The following ADAM20 variants were observed in gnomAD, a reference collection of about 807,000 sequenced individuals.
ADAM20 encodes the protein disintegrin and metalloproteinase domain-containing protein 20.
For missense variants in ADAM20, 871 were observed against 883.2 expected (o/e 0.99, Z 0.18); for synonymous variants, 305 against 310.2 (o/e 0.98, Z 0.18).
At chr14:70,579,321 T>C in the ADAM20 span, among the ~76,000 whole-genome samples, 1 of 152,300 alleles carries the variant, frequency 6.6e-6, no homozygotes, top group East Asian at 1.9e-4. Flanking sequence ...AAGTGTTCCC[T>C]TTTCTCCACA....
chr14:70,534,107 A>AAAAC (rs1566659202), intron 1 of ADAM20, among the ~76,000 whole-genome samples: 3 of 128,004 alleles, frequency 2.3e-5, no homozygotes, highest in South Asian at 2.4e-4. Context: ...AAAAAAAAAA[A>AAAAC]ACACACACAC....
chr14:70,523,510 T>G lies in ADAM20; in HGVS notation c.1248A>C (p.Glu416Asp), dbSNP rs754969914. The G allele has an allele frequency of 1.9e-6, 3 of 1,614,112 alleles. No individual in the cohort carries two copies. The highest frequency in any genetic ancestry group is 2.5e-6 in the Non-Finnish European group (3 of 1,179,984). Residue 416 changes from glutamate (E) to aspartate (D), a missense_variant, in exon 2 of 2, where the codon GAA becomes GAC. Physicochemically the swap from Glu to Asp is conservative, Grantham distance 45. Coordinates refer to ENST00000256389, the MANE Select transcript of ADAM20 (RefSeq NM_003814.5). ...TTCCACAGTCACATTCCTCCCCTTC[T>G]TCAACCACTAGATTCCCACAGTACT... ...RLKYCGNLVVEEGEECDCGTI... is the reference protein window; with the variant it reads ...RLKYCGNLVVDEGEECDCGTI...
chr14:70,557,656 A>G, the ADAM20 span, among the ~76,000 whole-genome samples: 1 of 152,278 alleles, frequency 6.6e-6, no homozygotes, highest in African/African-American at 2.4e-5. Context: ...AGTGACTTCC[A>G]GGTCATTAAT....
intron 1 of ADAM20, among the ~76,000 whole-genome samples, chr14:70,529,868 T>C (rs1016374178): frequency 6.6e-6 from 1 of 152,236 alleles, no homozygotes; most frequent in Non-Finnish European, 1.5e-5. Flanking sequence ...TCTTTAATAA[T>C]AAATTAAACT....
Position 70,522,555 on chromosome 14 carries a change from C to T in ADAM20, c.*22G>A, listed in dbSNP as rs751377878. On this transcript the variant is annotated 3_prime_UTR_variant, in exon 2 of 2. Transcript: ENST00000256389. ...TTAAAAATGAAGTATAAAGTTTAGTCTCCTTCTTTTTCCCATTTCTCTTAT... is the reference window on the plus strand; with the variant it reads ...TTAAAAATGAAGTATAAAGTTTAGTTTCCTTCTTTTTCCCATTTCTCTTAT... 5.6e-5 allele frequency: 86 copies of T among 1,528,314 alleles called. No homozygotes were observed. Among genetic ancestry groups the T allele is most frequent in the Non-Finnish European group, 7.5e-5 (86 of 1,140,326 alleles). 94.7% of individuals were successfully genotyped at this position (1,528,314 alleles called of 1,614,324 possible). A position where few individuals can be genotyped will look rare whatever the true frequency, so the allele number is the denominator to read the frequency against.
chr14:70,565,496 G>C, the ADAM20 span, among the ~76,000 whole-genome samples: 181 of 152,204 alleles, frequency 1.2e-3, no homozygotes, highest in Non-Finnish European at 1.9e-3. Flanking sequence ...GACAACTACA[G>C]AATTTTCAAA....
chr14:70,542,368 T>C, the ADAM20 span, among the ~76,000 whole-genome samples: 17 of 152,362 alleles, frequency 1.1e-4, no homozygotes, highest in African/African-American at 3.8e-4. Flanking sequence ...TGTGCTTTCC[T>C]TTAAGGAATC....
At chr14:70,543,245 A>G in the ADAM20 span, among the ~76,000 whole-genome samples, 1 of 152,318 alleles carries the variant, frequency 6.6e-6, no homozygotes, top group African/African-American at 2.4e-5. Flanking sequence ...AAACTTTTTA[A>G]TGGAAATTAT....
chr14:70,530,550 T>C (rs1486510386), intron 1 of ADAM20, among the ~76,000 whole-genome samples: 1 of 152,208 alleles, frequency 6.6e-6, no homozygotes, highest in Non-Finnish European at 1.5e-5. Context: ...CATAGGTTTG[T>C]TTACACCAGC....
At chr14:70,567,866 T>C in the ADAM20 span, among the ~76,000 whole-genome samples, 1 of 152,126 alleles carries the variant, frequency 6.6e-6, no homozygotes, top group African/African-American at 2.4e-5. Context: ...GGGAAGCAGA[T>C]GGCATTCCTG....
At chr14:70,553,309 TAAAAAAAA>T in the ADAM20 span, among the ~76,000 whole-genome samples, 5 of 17,254 alleles carry the variant, frequency 2.9e-4, no homozygotes, top group Non-Finnish European at 4.8e-4. Context: ...TAGAGTATAA[TAAAAAAAA>T]AAAAAAAAAA....
At chr14:70,566,072 G>A in the ADAM20 span, among the ~76,000 whole-genome samples, 2 of 152,242 alleles carry the variant, frequency 1.3e-5, no homozygotes, top group Non-Finnish European at 2.9e-5. Context: ...GCTACATGAA[G>A]TTGCTCAAGT....
chr14:70,529,569 A>G (rs889486244), intron 1 of ADAM20, among the ~76,000 whole-genome samples: 2 of 152,250 alleles, frequency 1.3e-5, no homozygotes, highest in African/African-American at 4.8e-5. Context: ...AAACCTGTAC[A>G]GCATGCTACT....
chr14:70,525,767 ACCT>A (rs1222887815), intron 1 of ADAM20, among the ~76,000 whole-genome samples: 5 of 151,964 alleles, frequency 3.3e-5, no homozygotes, highest in African/African-American at 1.2e-4. Flanking sequence ...GTATTGAGAA[ACCT>A]CCTCCAATCA....
At position 70,524,361 on chromosome 14, in the gene ADAM20, G is replaced by C. The variant is rs1369566159; in HGVS notation, c.397C>G (p.Leu133Val). ...AGGTCATTTATCTGTAGCATTCCAA[G>C]AAAGCCCCCAGAACAGGTACTAAGG... ...VALSTCSGGF[L>V]GMLQINDLVY... is the part of the protein sequence containing the mutation. Residue 133 changes from leucine to valine, a missense_variant, in exon 2 of 2, where the codon CTT (leucine) becomes GTT (valine). Leu to Val is a conservative substitution (Grantham distance 32). Transcript: ENST00000256389. The C allele has an allele frequency of 6.2e-7, 1 of 1,613,856 alleles. No individual in the cohort carries two copies. Among genetic ancestry groups the C allele is most frequent in the Admixed American group, 1.7e-5 (1 of 59,968 alleles).
intron 1 of ADAM20, among the ~76,000 whole-genome samples, chr14:70,530,108 C>T (rs1216761091): frequency 6.6e-6 from 1 of 152,146 alleles, no homozygotes; most frequent in Non-Finnish European, 1.5e-5. Flanking sequence ...TGGTGAAATC[C>T]TATCTCTACT....
chr14:70,568,525 T>C, the ADAM20 span, among the ~76,000 whole-genome samples: 1 of 152,172 alleles, frequency 6.6e-6, no homozygotes, highest in Non-Finnish European at 1.5e-5. Flanking sequence ...TAGTAATGGA[T>C]ACTAACCAAA....
chr14:70,557,750 C>CT, the ADAM20 span, among the ~76,000 whole-genome samples: 3 of 134,536 alleles, frequency 2.2e-5, no homozygotes, highest in African/African-American at 9.0e-5. Context: ...TTTCTTAAAA[C>CT]ATTTTTTTTT....
upstream of ADAM20, among the ~76,000 whole-genome samples, chr14:70,539,442 G>A (rs1478989363): frequency 6.6e-6 from 1 of 152,222 alleles, no homozygotes; most frequent in Non-Finnish European, 1.5e-5. Context: ...ATGGACGCAT[G>A]AGGGGCGCCT....
Sources: allele counts gnomAD v4.1 joint callset (sites outside exome capture counted in the v4.1 genomes callset), GRCh38; gene constraint gnomAD v4.1.1; transcripts MANE v1.5; gene names NCBI Gene and HGNC (gene_info 2026-07-23, HGNC 2026-07-21).